Variants in LTBP1 observed in about 807,000 individuals in gnomAD.
LTBP1 encodes the protein latent-transforming growth factor beta-binding protein 1.
LTBP1 carries 129 observed loss-of-function variants against 207.6 expected under a neutral mutation model. The ratio of observed to expected loss-of-function variants is 0.62; its 90% CI spans 0.54 to 0.72. LTBP1 has a LOEUF of 0.72. Ranked by LOEUF, LTBP1 falls within the 30% of genes least tolerant of loss-of-function variation. The probability of loss-of-function intolerance (pLI) is 0.00; values close to 1 mark genes in which losing one functional copy is unlikely to be tolerated. For missense variants in LTBP1, 2,281 were observed against 2,217.2 expected (o/e 1.03, Z -0.58); for synonymous variants, 963 against 833.7 (o/e 1.16, Z -2.67).
chr2:33,353,067 C>A (rs916308853), intron 26 of LTBP1, among the ~76,000 whole-genome samples: 3 of 149,190 alleles, frequency 2.0e-5, no homozygotes, highest in Non-Finnish European at 4.4e-5. Flanking sequence ...CAACCTCCAC[C>A]TTCTGAGTTC....
chr2:33,030,095 G>A (rs1010348520), intron 3 of LTBP1, among the ~76,000 whole-genome samples: 1 of 152,190 alleles, frequency 6.6e-6, no homozygotes, highest in African/African-American at 2.4e-5. Context: ...TGACGTTGGT[G>A]TTTTGCCAAG....
intron 2 of LTBP1, among the ~76,000 whole-genome samples, chr2:32,992,649 A>G (rs1035631298): frequency 6.6e-6 from 1 of 152,206 alleles, no homozygotes; most frequent in Non-Finnish European, 1.5e-5. Context: ...TCTTAGTCTG[A>G]AAATGGAGAT....
chr2:33,281,952 T>G (rs1165127741), intron 19 of LTBP1, among the ~76,000 whole-genome samples: 1 of 151,954 alleles, frequency 6.6e-6, no homozygotes, highest in Non-Finnish European at 1.5e-5. Context: ...AATAGTAGTG[T>G]AAACGCAGCC....
At chr2:32,998,968 G>A (rs113402312) in intron 2 of LTBP1, among the ~76,000 whole-genome samples, 4 of 152,340 alleles carry the variant, frequency 2.6e-5, no homozygotes, top group African/African-American at 9.6e-5. Context: ...CTAAAAGGTA[G>A]TTCCTGGACC....
intron 32 of LTBP1, among the ~76,000 whole-genome samples, chr2:33,395,268 G>A (rs1037046537): frequency 6.6e-6 from 1 of 152,250 alleles, no homozygotes; most frequent in African/African-American, 2.4e-5. Context: ...GCAGAAGACC[G>A]AGTTCCTCTG....
chr2:33,250,401 A>C (rs1373337295), intron 10 of LTBP1, among the ~76,000 whole-genome samples: 1 of 152,206 alleles, frequency 6.6e-6, no homozygotes, highest in Non-Finnish European at 1.5e-5. Flanking sequence ...CCAAAATATC[A>C]AGTAGATAAT....
At chr2:33,135,522 C>A in intron 5 of LTBP1, among the ~76,000 whole-genome samples, 1 of 149,124 alleles carries the variant, frequency 6.7e-6, no homozygotes, top group South Asian at 2.2e-4. Context: ...TGATATATAA[C>A]GTGGATTTGG....
intron 3 of LTBP1, among the ~76,000 whole-genome samples, chr2:33,045,908 CTCTG>C (rs545419409): frequency 2.9e-3 from 442 of 152,230 alleles, no homozygotes; most frequent in Non-Finnish European, 2.9e-3. Flanking sequence ...TGATTTGGCT[CTCTG>C]TCTGTCTATT....
Position 33,098,334 on chromosome 2 carries a change from T to C in LTBP1, c.864-12248T>C, listed in dbSNP as rs115718381. Reference sequence around the variant, plus strand: ...TCACCAATTTGTCTTGTTATCACTTTGTGGGAAACTTCTGTATCTTATGCC... The same window carrying C: ...TCACCAATTTGTCTTGTTATCACTTCGTGGGAAACTTCTGTATCTTATGCC... On this transcript the variant is annotated intron_variant, in intron 3 of 33. Coordinates refer to ENST00000404816, the MANE Select transcript of LTBP1 (RefSeq NM_206943.4). Among the ~76,000 whole-genome samples the C allele has an allele frequency of 4.2e-3, 647 of 152,338 alleles. 5 individuals carry two copies. Among genetic ancestry groups the C allele is most frequent in the African/African-American group, 0.014 (596 of 41,578 alleles).
At chr2:32,961,617 G>A (rs1184875665) in intron 2 of LTBP1, among the ~76,000 whole-genome samples, 1 of 152,054 alleles carries the variant, frequency 6.6e-6, no homozygotes, top group African/African-American at 2.4e-5. Context: ...GCCATTTTGT[G>A]GTAAAGATCA....
At chr2:33,005,131 A>G (rs1011714721) in intron 2 of LTBP1, among the ~76,000 whole-genome samples, 1 of 152,178 alleles carries the variant, frequency 6.6e-6, no homozygotes, top group Admixed American at 6.5e-5. Flanking sequence ...AATGAAGTGA[A>G]GTGACTCTTT....
At chr2:33,281,338 T>G (rs1202412070) in intron 19 of LTBP1, among the ~76,000 whole-genome samples, 1 of 151,694 alleles carries the variant, frequency 6.6e-6, no homozygotes, top group Non-Finnish European at 1.5e-5. Context: ...GTTCAACTGG[T>G]GAGGGGGTGG....
chr2:33,195,583 G>A (rs2088453808), intron 7 of LTBP1, among the ~76,000 whole-genome samples: 1 of 152,218 alleles, frequency 6.6e-6, no homozygotes, highest in Non-Finnish European at 1.5e-5. Flanking sequence ...ATGAGGAGCT[G>A]CTGCTTATGA....
At chr2:33,251,778 GA>G (rs1558886696) in intron 10 of LTBP1, among the ~76,000 whole-genome samples, 2 of 151,988 alleles carry the variant, frequency 1.3e-5, no homozygotes. Flanking sequence ...TGGGTTTGGG[GA>G]ATGGGCGGCG....
In LTBP1 at chr2:33,146,847, A is replaced by G. The variant is rs150982819; in HGVS notation, c.1201+11887A>G. ...CCCCATGATCCAATCACCTCCCACC[A>G]GGCCCCTCCTGGGCCCGGGGATTAC... On this transcript the variant is annotated intron_variant, in intron 5 of 33. Transcript: ENST00000404816. 5.4e-3 allele frequency among the ~76,000 whole-genome samples: 817 copies of G among 152,334 alleles called. 10 individuals are homozygous for G. The highest frequency in any genetic ancestry group is 0.019 in the African/African-American group (774 of 41,584).
intron 24 of LTBP1, among the ~76,000 whole-genome samples, chr2:33,322,826 C>A (rs558263212): frequency 6.6e-6 from 1 of 152,222 alleles, no homozygotes; most frequent in Admixed American, 6.5e-5. Context: ...CGGTTTCTGA[C>A]CGTTCTTTCT....
intron 3 of LTBP1, among the ~76,000 whole-genome samples, chr2:33,103,896 C>CT (rs2079902649): frequency 6.6e-6 from 1 of 152,148 alleles, no homozygotes; most frequent in Non-Finnish European, 1.5e-5. Context: ...GACCCCTGCA[C>CT]TTTCCTCCTG....
At chr2:32,962,448 C>T (rs1240125986) in intron 2 of LTBP1, among the ~76,000 whole-genome samples, 5 of 152,144 alleles carry the variant, frequency 3.3e-5, no homozygotes, top group African/African-American at 1.2e-4. Flanking sequence ...TTTACTTTTT[C>T]ATCCATTTAG....
At chr2:33,279,749 G>A (rs2148538680) in intron 18 of LTBP1, among the ~76,000 whole-genome samples, 1 of 152,248 alleles carries the variant, frequency 6.6e-6, no homozygotes, top group South Asian at 2.1e-4. Flanking sequence ...CCAGAAATTG[G>A]CCCTAGAGGA....
Sources: allele counts gnomAD v4.1 joint callset (sites outside exome capture counted in the v4.1 genomes callset), GRCh38; gene constraint gnomAD v4.1.1; transcripts MANE v1.5; gene names NCBI Gene and HGNC (gene_info 2026-07-23, HGNC 2026-07-21).